The following ASS1 variants were observed in gnomAD, a reference collection of about 807,000 sequenced individuals.
ASS1 encodes argininosuccinate synthase.
In ASS1, 58 loss-of-function variants were observed where a neutral mutation model predicts 60.5. The ratio of observed to expected loss-of-function variants is 0.96; its 90% CI spans 0.78 to 1.19. The LOEUF (loss-of-function observed/expected upper bound fraction) is 1.19. ASS1 is among the 50% of genes most tolerant of loss of function. The pLI is 0.00. For synonymous variants in ASS1, 200 were observed against 206.9 expected, an observed-to-expected ratio of 0.97 and a Z score of 0.29; for missense variants, 454 against 547.3, an observed-to-expected ratio of 0.83 and a Z score of 1.70.
In ASS1 at chr9:130,476,548, C is replaced by T. The variant is rs2118830784; in HGVS notation, c.598-323C>T. 2.1e-6 allele frequency: 1 copy of T among 483,992 alleles called. No individual in the cohort carries two copies. The highest frequency in any genetic ancestry group is 3.9e-5 in the East Asian group (1 of 25,596). 30.0% of individuals were successfully genotyped at this position (483,992 alleles called of 1,614,324 possible). A position where few individuals can be genotyped will look rare whatever the true frequency, so the allele number is the denominator to read the frequency against. ...CTCCTGGGAAGCCCTCGGAACGCCG[C>T]CTTGCTCCTCCAAAGTCACACTTTT... On this transcript the variant is annotated intron_variant, in intron 8 of 14. Coordinates refer to ENST00000352480, the MANE Select transcript of ASS1 (RefSeq NM_054012.4). The surrounding 1 kb of genome is among the most constrained non-coding windows in gnomAD (Gnocchi z 4.9).
At chr9:130,454,208 T>C in intron 2 of ASS1, 97 bp from the exon 3 acceptor site, 1 of 1,245,450 alleles carries the variant, frequency 8.0e-7, no homozygotes, top group South Asian at 1.3e-5. Flanking sequence ...ATGGAAGCTG[T>C]CTCTGTAGCA....
chr9:130,460,139 G>T (rs1314326686), intron 4 of ASS1, among the ~76,000 whole-genome samples: 1 of 152,228 alleles, frequency 6.6e-6, no homozygotes, highest in Non-Finnish European at 1.5e-5. Flanking sequence ...GGCTGGTCAG[G>T]GTGCTGATGG....
chr9:130,444,770 G>A (rs1173478781), upstream of ASS1, among the ~76,000 whole-genome samples: 2 of 151,934 alleles, frequency 1.3e-5, no homozygotes, highest in Admixed American at 6.5e-5. The surrounding 1 kb of genome is among the most constrained non-coding windows in gnomAD (Gnocchi z 4.7). Flanking sequence ...TGGGAGGCGG[G>A]GGGAGGTGGG....
chr9:130,490,854 A>G (rs1445022409), intron 12 of ASS1, among the ~76,000 whole-genome samples: 3 of 152,098 alleles, frequency 2.0e-5, no homozygotes, highest in Non-Finnish European at 4.4e-5. Context: ...CCTCCATAAC[A>G]TACACATAGC....
At chr9:130,453,933 A>G (rs377252559) in intron 2 of ASS1, among the ~76,000 whole-genome samples, 1 of 152,248 alleles carries the variant, frequency 6.6e-6, no homozygotes, top group East Asian at 1.9e-4. Context: ...CTGACAAGCT[A>G]ATCTTTGCAC....
At chr9:130,497,461 AGGTTTT>A (rs1846633053) in intron 13 of ASS1, among the ~76,000 whole-genome samples, 1 of 151,592 alleles carries the variant, frequency 6.6e-6, no homozygotes, top group Non-Finnish European at 1.5e-5. Context: ...AAAAGCACAG[AGGTTTT>A]CTGTAGACCG....
At chr9:130,472,230 C>A (rs1177249927) in intron 8 of ASS1, among the ~76,000 whole-genome samples, 1 of 152,064 alleles carries the variant, frequency 6.6e-6, no homozygotes, top group Non-Finnish European at 1.5e-5. Context: ...GAAAAGTGTG[C>A]TTTTTGAGGG....
At chr9:130,468,924 C>T (rs1392972659) in intron 6 of ASS1, among the ~76,000 whole-genome samples, 2 of 152,206 alleles carry the variant, frequency 1.3e-5, no homozygotes, top group Admixed American at 6.5e-5. Flanking sequence ...GGAGGCACCT[C>T]GGGACCGAGA....
rs571735845 is a variant in ASS1 at position 130,479,109 on chromosome 9, C to T, written c.689-607C>T. Among the ~76,000 whole-genome samples the T allele has an allele frequency of 4.7e-5, 7 of 150,098 alleles. No individual in the cohort carries two copies. The East Asian group carries it at 9.7e-4, about 21-fold the overall frequency. On this transcript the variant is annotated intron_variant, in intron 9 of 14. Coordinates refer to ENST00000352480, the MANE Select transcript of ASS1 (RefSeq NM_054012.4). ...ACCCCGAACCCACCCACTGCCCCCA[C>T]CCAACCCCTTCCCTCCTGCCACCCC... is the stretch of plus-strand genomic sequence containing the variant.
chr9:130,487,042 C>A (rs1014781613), intron 11 of ASS1, among the ~76,000 whole-genome samples: 2 of 152,208 alleles, frequency 1.3e-5, no homozygotes, highest in East Asian at 1.9e-4. Context: ...AAGCCACCCC[C>A]CTCCCCAGGC....
At position 130,476,797 on chromosome 9, in the gene ASS1, C is replaced by G. The variant is rs139514231; in HGVS notation, c.598-74C>G. Reference sequence around the variant, plus strand: ...ATGGACAGAGGAGAGGGGTGCAGATCCCCGCGGGAGGTGGGCTGTAGGGTG... The same window carrying G: ...ATGGACAGAGGAGAGGGGTGCAGATGCCCGCGGGAGGTGGGCTGTAGGGTG... On this transcript the variant is annotated intron_variant, in intron 8 of 14. Coordinates refer to ENST00000352480, the MANE Select transcript of ASS1 (RefSeq NM_054012.4). This position sits in a 1 kb window ranked among gnomAD's most constrained non-coding sequence, Gnocchi z 4.9. 2.2e-6 allele frequency: 3 copies of G among 1,377,366 alleles called. No individual in the cohort carries two copies. The African/African-American group carries it at 4.3e-5, about 20-fold the overall frequency. 85.3% of individuals were successfully genotyped at this position (1,377,366 alleles called of 1,614,324 possible). A position where few individuals can be genotyped will look rare whatever the true frequency, so the allele number is the denominator to read the frequency against.
At chr9:130,458,338 C>T in intron 3 of ASS1, 63 bp from the exon 4 acceptor site, 5 of 1,604,288 alleles carry the variant, frequency 3.1e-6, no homozygotes, top group South Asian at 2.2e-5. Flanking sequence ...GCCCCTGGGG[C>T]TCTGTATGCC....
chr9:130,470,819 G>C lies in ASS1; in HGVS notation c.496-15G>C. ...CAGCCGCCTTACCTCCACCTGTGCT[G>C]TCTCTTTCCTGCAGCAACACGGGAT... On this transcript the variant is annotated splice_polypyrimidine_tract_variant and intron_variant, in intron 6 of 14. Transcript: ENST00000352480. This position sits in a 1 kb window ranked among gnomAD's most constrained non-coding sequence, Gnocchi z 4.3. 6.2e-7 allele frequency: 1 copy of C among 1,613,802 alleles called. No homozygotes were observed. Among genetic ancestry groups the C allele is most frequent in the Admixed American group, 1.7e-5 (1 of 60,024 alleles).
At chr9:130,480,554 G>A in intron 11 of ASS1, 105 bp downstream of exon 11, 1 of 1,249,550 alleles carries the variant, frequency 8.0e-7, no homozygotes, top group Non-Finnish European at 1.1e-6. Flanking sequence ...TGCTCCGTGG[G>A]CGACCTTGGG....
intron 6 of ASS1, among the ~76,000 whole-genome samples, chr9:130,469,860 G>A (rs1166060655): frequency 2.0e-5 from 3 of 152,192 alleles, no homozygotes; most frequent in Non-Finnish European, 2.9e-5. Context: ...AGGGTGACCC[G>A]GTGGGGGCTG....
chr9:130,457,363 C>T (rs1438678492), intron 3 of ASS1, among the ~76,000 whole-genome samples: 2 of 152,112 alleles, frequency 1.3e-5, no homozygotes, highest in Non-Finnish European at 1.5e-5. Flanking sequence ...CCCAGCTACT[C>T]AAGAGGCTGA....
intron 4 of ASS1, among the ~76,000 whole-genome samples, chr9:130,461,130 G>C (rs1413594220): frequency 5.5e-5 from 8 of 145,580 alleles, no homozygotes; most frequent in Admixed American, 4.2e-4. Flanking sequence ...TTCTGGGAGG[G>C]GTCCTGCCCT....
At chr9:130,462,574 C>T (rs1383546045) in intron 4 of ASS1, among the ~76,000 whole-genome samples, 4 of 152,194 alleles carry the variant, frequency 2.6e-5, no homozygotes, top group African/African-American at 4.8e-5. Flanking sequence ...GACAGCAGCC[C>T]AGCCGTGCCT....
intron 6 of ASS1, among the ~76,000 whole-genome samples, chr9:130,467,993 T>C (rs1016475837): frequency 1.3e-5 from 2 of 152,208 alleles, no homozygotes; most frequent in African/African-American, 2.4e-5. Context: ...TGAGCTCAGC[T>C]TCCATCCCAA....
Sources: allele counts gnomAD v4.1 joint callset (sites outside exome capture counted in the v4.1 genomes callset), GRCh38; gene constraint gnomAD v4.1.1; non-coding constraint Gnocchi (gnomAD v3.1); transcripts MANE v1.5; gene names NCBI Gene and HGNC (gene_info 2026-07-23, HGNC 2026-07-21).